FOCAD: variants seen among roughly 807,000 people sequenced by gnomAD.
The protein encoded by FOCAD is KIAA1797.
A neutral mutation model predicts 225.6 loss-of-function variants in FOCAD; 198 were observed. The ratio of observed to expected loss-of-function variants is 0.88; its 90% confidence interval spans 0.78 to 0.99. The LOEUF is 0.99. FOCAD is among the 50% of genes least tolerant of loss of function. The pLI is 0.00. For synonymous variants in FOCAD, 897 were observed against 755.0 expected, an observed-to-expected ratio of 1.19 and a Z score of -3.08; for missense variants, 2,713 against 2,123.6, an observed-to-expected ratio of 1.28 and a Z score of -5.46.
chr9:20,901,845 T>A (rs1832591991), intron 21 of FOCAD, among the ~76,000 whole-genome samples: 1 of 137,776 alleles, frequency 7.3e-6, no homozygotes. Context: ...TACTGTGTCA[T>A]TCAATATGTT....
At chr9:20,685,544 CTG>C (rs1318423516) in intron 1 of FOCAD, among the ~76,000 whole-genome samples, 1 of 152,192 alleles carries the variant, frequency 6.6e-6, no homozygotes, top group Non-Finnish European at 1.5e-5. Flanking sequence ...GTAGAAAGCA[CTG>C]TGACTCATCT....
chr9:20,835,216 T>C (rs1474353356), intron 15 of FOCAD, among the ~76,000 whole-genome samples: 2 of 152,116 alleles, frequency 1.3e-5, no homozygotes, highest in African/African-American at 2.4e-5. Flanking sequence ...TCATGCCATG[T>C]ACAATGTTTG....
intron 2 of FOCAD, among the ~76,000 whole-genome samples, chr9:20,717,103 C>G (rs1460218946): frequency 6.6e-6 from 1 of 152,174 alleles, no homozygotes; most frequent in African/African-American, 2.4e-5. Flanking sequence ...ACTTAATATT[C>G]ATGTAAATGA....
At chr9:20,699,256 G>A (rs148872610) in intron 1 of FOCAD, among the ~76,000 whole-genome samples, 1,593 of 152,218 alleles carry the variant, frequency 0.01, 7 homozygotes, top group Middle Eastern at 0.021. Flanking sequence ...GGGCTGAAAG[G>A]CAGAAGTAGT....
chr9:20,958,073 A>G (rs1285900611), intron 35 of FOCAD, among the ~76,000 whole-genome samples: 2 of 145,684 alleles, frequency 1.4e-5, no homozygotes, highest in Non-Finnish European at 3.0e-5. Flanking sequence ...CTGGCTGTAT[A>G]ACTTCAGGCA....
chr9:20,694,708 A>G (rs1216046448), intron 1 of FOCAD: 1 of 152,226 alleles, frequency 6.6e-6, no homozygotes, highest in African/African-American at 2.4e-5. Flanking sequence ...TTTCAACAAC[A>G]TCAACATTTT....
chr9:20,825,711 A>G (rs1824820096), intron 15 of FOCAD, among the ~76,000 whole-genome samples: 1 of 152,082 alleles, frequency 6.6e-6, no homozygotes, highest in African/African-American at 2.4e-5. Flanking sequence ...GAACTCTTTC[A>G]TCTTGAAAGT....
At chr9:20,990,501 A>C in intron 42 of FOCAD, 127 bp downstream of exon 42, 1 of 1,175,758 alleles carries the variant, frequency 8.5e-7, no homozygotes, top group Non-Finnish European at 1.2e-6. Context: ...ACCCAGCCCC[A>C]TATCTCAGCC....
chr9:20,988,130 C>T (rs773264515), intron 40 of FOCAD, among the ~76,000 whole-genome samples: 2 of 152,008 alleles, frequency 1.3e-5, no homozygotes, highest in Non-Finnish European at 2.9e-5. Flanking sequence ...AATCAAAGAC[C>T]AAAATACTGT....
intron 5 of FOCAD, among the ~76,000 whole-genome samples, chr9:20,746,861 C>G (rs980495007): frequency 6.6e-6 from 1 of 152,126 alleles, no homozygotes; most frequent in Non-Finnish European, 1.5e-5. Flanking sequence ...CTTTTAACAT[C>G]TGGAACTGTT....
At chr9:20,696,894 C>A (rs1823417353) in intron 1 of FOCAD, among the ~76,000 whole-genome samples, 1 of 152,038 alleles carries the variant, frequency 6.6e-6, no homozygotes, top group Non-Finnish European at 1.5e-5. Context: ...AGGGTGCTAC[C>A]CTCAAGGGTG....
chr9:20,878,713 A>T lies in FOCAD; in HGVS notation c.2318-3158A>T, dbSNP rs117240227. 1.5e-3 allele frequency among the ~76,000 whole-genome samples: 222 copies of T among 152,310 alleles called. 2 individuals carry two copies. The highest frequency in any genetic ancestry group is 2.6e-3 in the Non-Finnish European group (179 of 68,026). On this transcript the variant is annotated intron_variant, in intron 19 of 43. Transcript: ENST00000338382. Reference sequence around the variant, plus strand: ...CCGATTAGGATAATTGGCTTACATGATTACAGTAGCTAAGTTGTGTGACAG... The same window carrying T: ...CCGATTAGGATAATTGGCTTACATGTTTACAGTAGCTAAGTTGTGTGACAG...
intron 21 of FOCAD, among the ~76,000 whole-genome samples, chr9:20,901,146 C>G (rs1011374553): frequency 1.3e-5 from 2 of 150,758 alleles, no homozygotes; most frequent in Non-Finnish European, 3.0e-5. Context: ...TTTGGGGTCT[C>G]TAATACCAGT....
At chr9:20,796,642 GC>G (rs1025073041) in intron 11 of FOCAD, among the ~76,000 whole-genome samples, 23 of 152,076 alleles carry the variant, frequency 1.5e-4, no homozygotes, top group African/African-American at 5.3e-4. Flanking sequence ...CATATCCTTT[GC>G]CCACTTTTTG....
At chr9:20,920,243 CA>C (rs1834276060) in intron 24 of FOCAD, among the ~76,000 whole-genome samples, 1 of 147,590 alleles carries the variant, frequency 6.8e-6, no homozygotes, top group African/African-American at 2.5e-5. Context: ...CAGAGAAATG[CA>C]AATCAAAACC....
At chr9:20,889,629 T>G (rs1379717350) in intron 21 of FOCAD, among the ~76,000 whole-genome samples, 2 of 152,190 alleles carry the variant, frequency 1.3e-5, no homozygotes, top group African/African-American at 4.8e-5. Flanking sequence ...ATGACATACA[T>G]AGCTGAATAA....
intron 23 of FOCAD, among the ~76,000 whole-genome samples, chr9:20,913,311 A>G (rs1205667052): frequency 6.6e-6 from 1 of 152,038 alleles, no homozygotes; most frequent in East Asian, 1.9e-4. Context: ...CCTACCTCAC[A>G]TGTAGTCAAG....
At chr9:20,807,264 T>G (rs923605319) in intron 11 of FOCAD, among the ~76,000 whole-genome samples, 1 of 152,256 alleles carries the variant, frequency 6.6e-6, no homozygotes, top group African/African-American at 2.4e-5. Flanking sequence ...TCCTTGCCCC[T>G]CTGGGGCTAT....
intron 1 of FOCAD, among the ~76,000 whole-genome samples, chr9:20,688,095 T>C (rs1487195372): frequency 6.6e-6 from 1 of 152,176 alleles, no homozygotes; most frequent in Non-Finnish European, 1.5e-5. Context: ...CAAGGGTAAA[T>C]AATGAAAGTT....
Sources: allele counts gnomAD v4.1 joint callset (sites outside exome capture counted in the v4.1 genomes callset), GRCh38; gene constraint gnomAD v4.1.1; transcripts MANE v1.5; gene names NCBI Gene and HGNC (gene_info 2026-07-23, HGNC 2026-07-21).